The following CSTPP1 variants were observed in gnomAD, a reference collection of about 807,000 sequenced individuals.
The protein encoded by CSTPP1 is centriolar satellite-associated tubulin polyglutamylase complex regulator 1.
the CSTPP1 span, among the ~76,000 whole-genome samples, chr11:46,962,902 C>T: frequency 3.3e-5 from 5 of 151,970 alleles, no homozygotes; most frequent in East Asian, 1.9e-4. Context: ...TGCAGGGAGC[C>T]GTGTTCACAT....
At chr11:47,077,303 G>A in the CSTPP1 span, among the ~76,000 whole-genome samples, 1 of 151,010 alleles carries the variant, frequency 6.6e-6, no homozygotes, top group Non-Finnish European at 1.5e-5. Flanking sequence ...GGGTTCAAGC[G>A]ATTCTCCTGC....
chr11:47,164,383 A>G, the CSTPP1 span: 2 of 1,082,630 alleles, frequency 1.8e-6, no homozygotes, highest in Non-Finnish European at 2.6e-6. Context: ...GTCCAGAAAG[A>G]AAGTCAAGTC....
At chr11:47,098,608 T>C in the CSTPP1 span, among the ~76,000 whole-genome samples, 1 of 151,278 alleles carries the variant, frequency 6.6e-6, no homozygotes, top group Non-Finnish European at 1.5e-5. Flanking sequence ...TGGGTTCAAG[T>C]GATTCTCCTG....
At chr11:47,095,899 A>C in the CSTPP1 span, among the ~76,000 whole-genome samples, 1 of 152,146 alleles carries the variant, frequency 6.6e-6, no homozygotes, top group Non-Finnish European at 1.5e-5. Context: ...GTAATTGTAG[A>C]TGGACAGAGG....
At chr11:47,058,995 C>T in the CSTPP1 span, among the ~76,000 whole-genome samples, 5 of 152,160 alleles carry the variant, frequency 3.3e-5, no homozygotes, top group Admixed American at 6.5e-5. Flanking sequence ...ATATACACCA[C>T]AGAATACTAT....
At chr11:47,069,152 T>C in the CSTPP1 span, among the ~76,000 whole-genome samples, 1 of 152,188 alleles carries the variant, frequency 6.6e-6, no homozygotes, top group African/African-American at 2.4e-5. Flanking sequence ...CCTCTGCAAA[T>C]TTCTAAGCTT....
At chr11:46,989,420 C>T in the CSTPP1 span, among the ~76,000 whole-genome samples, 5 of 152,034 alleles carry the variant, frequency 3.3e-5, no homozygotes, top group Admixed American at 3.3e-4. Context: ...CCTCAGCCTC[C>T]CCAGTAGCTG....
chr11:47,052,665 A>T, the CSTPP1 span: 6 of 1,125,778 alleles, frequency 5.3e-6, no homozygotes, highest in Non-Finnish European at 6.1e-6. Flanking sequence ...TATTGTTTGA[A>T]TGCATGCTAT....
At chr11:47,006,281 G>A in the CSTPP1 span, among the ~76,000 whole-genome samples, 1 of 152,124 alleles carries the variant, frequency 6.6e-6, no homozygotes, top group Admixed American at 6.5e-5. Context: ...GTTGGCAGCT[G>A]TTTTACCATT....
the CSTPP1 span, among the ~76,000 whole-genome samples, chr11:46,941,629 C>G: frequency 6.6e-6 from 1 of 152,146 alleles, no homozygotes; most frequent in Non-Finnish European, 1.5e-5. Flanking sequence ...TGTGAGCCAC[C>G]ACGCCTGGCC....
At chr11:47,122,091 A>AAT in the CSTPP1 span, among the ~76,000 whole-genome samples, 425 of 31,740 alleles carry the variant, frequency 0.013, 15 homozygotes, top group Middle Eastern at 0.038. Flanking sequence ...AAAAAAAAAA[A>AAT]ATATATATAT....
At chr11:47,002,426 CT>C in the CSTPP1 span, among the ~76,000 whole-genome samples, 1 of 152,236 alleles carries the variant, frequency 6.6e-6, no homozygotes, top group South Asian at 2.1e-4. Flanking sequence ...AAGAAGTTGC[CT>C]GTTTTTGTAG....
At chr11:47,015,074 A>G in the CSTPP1 span, among the ~76,000 whole-genome samples, 2 of 152,222 alleles carry the variant, frequency 1.3e-5, no homozygotes, top group African/African-American at 4.8e-5. Context: ...ATAAGGAAAT[A>G]TTATCAATTT....
At chr11:47,137,240 G>T in the CSTPP1 span, 1 of 1,270,820 alleles carries the variant, frequency 7.9e-7, no homozygotes, top group East Asian at 5.5e-5. Flanking sequence ...TGGTCTTTGG[G>T]CATGTGGTGG....
At chr11:47,162,705 T>A in the CSTPP1 span, among the ~76,000 whole-genome samples, 1 of 150,546 alleles carries the variant, frequency 6.6e-6, no homozygotes, top group South Asian at 2.1e-4. Context: ...AGGGGCGGGG[T>A]CCCCCAGAAA....
At chr11:47,097,694 C>G in the CSTPP1 span, among the ~76,000 whole-genome samples, 2 of 84,116 alleles carry the variant, frequency 2.4e-5, no homozygotes, top group African/African-American at 8.6e-5. Flanking sequence ...GGGGGTCGGC[C>G]CCCCTGCCTG....
At chr11:47,031,696 C>CTT in the CSTPP1 span, among the ~76,000 whole-genome samples, 1 of 136,068 alleles carries the variant, frequency 7.3e-6, no homozygotes, top group Non-Finnish European at 1.6e-5. Flanking sequence ...AACCCCATCT[C>CTT]TTTTTTTTTT....
chr11:47,101,498 G>C, the CSTPP1 span, among the ~76,000 whole-genome samples: 1 of 151,638 alleles, frequency 6.6e-6, no homozygotes, highest in Non-Finnish European at 1.5e-5. Context: ...CTTGAAGACT[G>C]TTTGTGGGAG....
the CSTPP1 span, among the ~76,000 whole-genome samples, chr11:47,144,980 A>ATTTTTTTT: frequency 1.1e-5 from 1 of 92,874 alleles, no homozygotes; most frequent in Non-Finnish European, 2.1e-5. Context: ...ATTGCCTGCC[A>ATTTTTTTT]TTTTTTTTTT....
Sources: gnomAD v4.1 joint callset for allele counts (sites outside exome capture counted in the v4.1 genomes callset) on GRCh38, gnomAD v4.1.1 for gene constraint, MANE v1.5 for transcripts, NCBI Gene and HGNC (gene_info 2026-07-23, HGNC 2026-07-21) for gene names.